Variants in DYNC2I2 observed in about 807,000 individuals in gnomAD.
The protein encoded by DYNC2I2 is cytoplasmic dynein 2 intermediate chain 2.
Under a neutral mutation model 52.0 loss-of-function variants are expected in DYNC2I2, and 39 were observed. That is an observed-to-expected ratio of 0.75 (90% confidence interval 0.58 to 0.98). DYNC2I2 has a LOEUF of 0.98. Ranked by LOEUF, DYNC2I2 falls within the 50% of genes least tolerant of loss-of-function variation. The pLI is 0.00. For missense variants in DYNC2I2, 743 were observed against 728.4 expected, an observed-to-expected ratio of 1.02 and a Z score of -0.23; for synonymous variants, 359 against 321.1, an observed-to-expected ratio of 1.12 and a Z score of -1.26.
chr9:128,649,071 C>A (rs2132173346), intron 1 of DYNC2I2, among the ~76,000 whole-genome samples: 1 of 152,302 alleles, frequency 6.6e-6, no homozygotes, highest in South Asian at 2.1e-4. Context: ...ATGCATCCCA[C>A]TGGGAAAAAG....
At chr9:128,635,827 C>A in intron 4 of DYNC2I2, 60 bp from the exon 5 acceptor site, 1 of 1,490,568 alleles carries the variant, frequency 6.7e-7, no homozygotes, top group Non-Finnish European at 9.2e-7. Flanking sequence ...ACTTCCTGGC[C>A]AAACACCCGC....
At chr9:128,681,068 C>T in the DYNC2I2 span, among the ~76,000 whole-genome samples, 1 of 152,146 alleles carries the variant, frequency 6.6e-6, no homozygotes, top group African/African-American at 2.4e-5. Context: ...GCTGCATTCA[C>T]ATCATTCCGA....
intron 4 of DYNC2I2, 95 bp downstream of exon 4, chr9:128,636,185 CG>C: frequency 2.6e-6 from 4 of 1,525,606 alleles, no homozygotes; most frequent in Middle Eastern, 3.5e-4. Flanking sequence ...TTCCTGTCTC[CG>C]GGCCAAAGGG....
At chr9:128,679,364 T>C in the DYNC2I2 span, among the ~76,000 whole-genome samples, 1 of 152,318 alleles carries the variant, frequency 6.6e-6, no homozygotes, top group Middle Eastern at 3.4e-3. Context: ...ACATGGGTGA[T>C]GGTGGCACGT....
intron 1 of DYNC2I2, among the ~76,000 whole-genome samples, chr9:128,648,917 G>A (rs1788622138): frequency 6.6e-6 from 1 of 152,100 alleles, no homozygotes; most frequent in Non-Finnish European, 1.5e-5. Flanking sequence ...GAGGGATGCA[G>A]CAGAGGCCTG....
At position 128,656,719 on chromosome 9, in the gene DYNC2I2, G is replaced by T; in HGVS notation, c.8C>A (p.Thr3Asn). The change falls in exon 1 of 9, where the codon ACC becomes AAC. Residue 3 changes from threonine to asparagine, a missense_variant. Thr to Asn is a moderately conservative substitution (Grantham distance 65). Coordinates refer to ENST00000372715, the MANE Select transcript of DYNC2I2 (RefSeq NM_052844.4). MATRAQPGPLSQA... is the reference protein window; with the variant it reads MANRAQPGPLSQA... ...GCTGAGTGGCCCCGGCTGCGCGCGGGTTGCCATGGAGACGGTTCCGCCCTC... is the reference window on the plus strand; with the variant it reads ...GCTGAGTGGCCCCGGCTGCGCGCGGTTTGCCATGGAGACGGTTCCGCCCTC... 1.4e-6 allele frequency: 2 copies of T among 1,422,192 alleles called. No individual in the cohort carries two copies. The highest frequency in any genetic ancestry group is 3.3e-5 in the Admixed American group (1 of 30,456). 88.1% of individuals were successfully genotyped at this position (1,422,192 alleles called of 1,614,324 possible).
At chr9:128,665,481 G>C in the DYNC2I2 span, among the ~76,000 whole-genome samples, 1 of 152,016 alleles carries the variant, frequency 6.6e-6, no homozygotes, top group African/African-American at 2.4e-5. Flanking sequence ...TAAAACAAAT[G>C]TGTTGGGACC....
intron 1 of DYNC2I2, among the ~76,000 whole-genome samples, chr9:128,648,631 C>A (rs376127441): frequency 0.019 from 2,279 of 120,500 alleles, no homozygotes; most frequent in Non-Finnish European, 0.023. Context: ...ACTAAAAATA[C>A]AAAAAAAAAA....
chr9:128,639,676 CTTTT>C lies in DYNC2I2; in HGVS notation c.435+1011_435+1014del, dbSNP rs555706741. ...CAGTTTTTTTTTGTTGTTTTTTTGT[CTTTT>C]TTTGAGATGGAGTCTTGCTCTGTCA... On this transcript the variant is annotated intron_variant, in intron 2 of 8. Transcript: ENST00000372715. 3.9e-3 allele frequency among the ~76,000 whole-genome samples: 587 copies of C among 151,528 alleles called. 7 individuals carry two copies. Among genetic ancestry groups the C allele is most frequent in the African/African-American group, 0.014 (565 of 41,348 alleles).
At chr9:128,675,333 A>G in the DYNC2I2 span, among the ~76,000 whole-genome samples, 28 of 152,116 alleles carry the variant, frequency 1.8e-4, no homozygotes, top group African/African-American at 6.7e-4. Flanking sequence ...ATGCACCACC[A>G]TGCCCAGCCA....
At chr9:128,636,849 TAC>T in intron 3 of DYNC2I2, 67 bp downstream of exon 3, 11 of 1,230,146 alleles carry the variant, frequency 8.9e-6, no homozygotes, top group Non-Finnish European at 1.3e-5. Context: ...CCTGTGCAGC[TAC>T]AGAGACAAGG....
the DYNC2I2 span, among the ~76,000 whole-genome samples, chr9:128,665,049 T>C: frequency 6.6e-6 from 1 of 150,888 alleles, no homozygotes; most frequent in Non-Finnish European, 1.5e-5. Flanking sequence ...TTTTTCTTTT[T>C]CTTTTTCTTT....
the DYNC2I2 span, among the ~76,000 whole-genome samples, chr9:128,682,311 G>A: frequency 6.6e-6 from 1 of 151,920 alleles, no homozygotes; most frequent in African/African-American, 2.4e-5. Flanking sequence ...GCCTCCCAAA[G>A]TGCTGCGATT....
chr9:128,675,861 A>C, the DYNC2I2 span, among the ~76,000 whole-genome samples: 1 of 152,110 alleles, frequency 6.6e-6, no homozygotes, highest in Non-Finnish European at 1.5e-5. Context: ...CGCCCCTGGG[A>C]GTCCAGGAAG....
In DYNC2I2 at chr9:128,649,688, C is replaced by CAAAAAAAAA. The variant is rs34154610; in HGVS notation, c.186+6844_186+6852dup. Among the ~76,000 whole-genome samples the CAAAAAAAAA allele has an allele frequency of 3.0e-4, 14 of 47,214 alleles. 1 individual carries two copies. Among genetic ancestry groups the CAAAAAAAAA allele is most frequent in the African/African-American group, 1.1e-3 (8 of 7,314 alleles). The allele number at this position is 47,214 out of a possible 152,430, so 31.0% of individuals were successfully genotyped here. On this transcript the variant is annotated intron_variant, in intron 1 of 8. Transcript: ENST00000372715. ...TGGGCAAGACAGTGAGACTCCATCT[C>CAAAAAAAAA]AAAAAAAAAAAAAAAAAAAAACTGG...
the DYNC2I2 span, among the ~76,000 whole-genome samples, chr9:128,666,326 G>A: frequency 6.9e-6 from 1 of 144,146 alleles, no homozygotes; most frequent in Non-Finnish European, 1.5e-5. Flanking sequence ...AGGTTGCAGT[G>A]AACCAAGATC....
Position 128,636,354 on chromosome 9 carries a change from C to T in DYNC2I2, c.630G>A (p.Pro210=), listed in dbSNP as rs61744155. The T allele has an allele frequency of 3.2e-3, 5,074 of 1,607,802 alleles. 129 individuals carry two copies. In the African/African-American group the frequency reaches 0.058, roughly 18 times the overall value. ...LDRRDLRPQQ[P]SAVVEVPSAV... The stretch of plus-strand genomic sequence containing the variant: ...CGCTGGGGACCTCCACCACGGCCGA[C>T]GGCTGCTGGGGACGCAGGTCTCGCC... Residue 210 remains proline (P), a synonymous_variant, in exon 4 of 9, where the codon CCG becomes CCA. Coordinates refer to ENST00000372715, the MANE Select transcript of DYNC2I2 (RefSeq NM_052844.4).
the DYNC2I2 span, among the ~76,000 whole-genome samples, chr9:128,672,799 A>T: frequency 1.3e-5 from 2 of 152,060 alleles, no homozygotes; most frequent in Admixed American, 6.6e-5. Context: ...AGGCCGAGGC[A>T]GGCGGATCAC....
intron 7 of DYNC2I2, 99 bp from the exon 8 acceptor site, chr9:128,634,482 A>G (rs569984811): frequency 7.2e-5 from 106 of 1,467,392 alleles, no homozygotes; most frequent in Non-Finnish European, 1.3e-5. Context: ...CAGGCTCGTG[A>G]AGAGCCTCCC....
Sources: allele counts gnomAD v4.1 joint callset (sites outside exome capture counted in the v4.1 genomes callset), GRCh38; gene constraint gnomAD v4.1.1; transcripts MANE v1.5; gene names NCBI Gene and HGNC (gene_info 2026-07-23, HGNC 2026-07-21).